Variants in CCSER2 observed in about 807,000 individuals in gnomAD.
The protein encoded by CCSER2 is coiled-coil serine rich protein 2.
A neutral mutation model predicts 92.3 loss-of-function variants in CCSER2; 46 were observed. That is an observed-to-expected ratio of 0.50 (90% CI 0.39 to 0.64). The LOEUF (loss-of-function observed/expected upper bound fraction) is 0.64, where lower values mean the gene tolerates loss of function less well. Ranked by LOEUF, CCSER2 falls within the 30% of genes least tolerant of loss-of-function variation. CCSER2 has a pLI of 0.00. For synonymous variants in CCSER2, 433 were observed against 431.4 expected (o/e 1.00, Z -0.04); for missense variants, 1,244 against 1,238.9 (o/e 1.00, Z -0.06).
intron 5 of CCSER2, among the ~76,000 whole-genome samples, chr10:84,432,556 T>A (rs1273618269): frequency 2.0e-5 from 3 of 152,224 alleles, no homozygotes; most frequent in Non-Finnish European, 2.9e-5. Flanking sequence ...CTCTAGCTAT[T>A]TGCCCATTTT....
At chr10:84,442,441 G>A (rs949837116) in intron 6 of CCSER2, among the ~76,000 whole-genome samples, 118 of 152,276 alleles carry the variant, frequency 7.7e-4, no homozygotes, top group Non-Finnish European at 2.2e-4. Context: ...ACTGAAAAAA[G>A]TAGGTTATAA....
chr10:84,485,020 A>G (rs1847722894), intron 9 of CCSER2, among the ~76,000 whole-genome samples: 2 of 152,238 alleles, frequency 1.3e-5, no homozygotes. Flanking sequence ...TACTAGAACT[A>G]TAGAAGGCAT....
chr10:84,417,432 A>G (rs1288717516), intron 3 of CCSER2, among the ~76,000 whole-genome samples: 3 of 152,190 alleles, frequency 2.0e-5, no homozygotes, highest in Non-Finnish European at 4.4e-5. Context: ...TCTTATACCA[A>G]TTATGAATAA....
chr10:84,492,068 A>T (rs1245877570), intron 9 of CCSER2, among the ~76,000 whole-genome samples: 1 of 152,172 alleles, frequency 6.6e-6, no homozygotes, highest in African/African-American at 2.4e-5. Flanking sequence ...TCACGAGGTC[A>T]GGAGATGGAG....
intron 3 of CCSER2, among the ~76,000 whole-genome samples, chr10:84,382,865 A>G (rs754487419): frequency 2.6e-5 from 4 of 152,170 alleles, no homozygotes; most frequent in Admixed American, 6.5e-5. Context: ...AGATCCAAAA[A>G]CTTACTTGTA....
At chr10:84,399,137 A>G (rs1259653912) in intron 3 of CCSER2, among the ~76,000 whole-genome samples, 1 of 152,190 alleles carries the variant, frequency 6.6e-6, no homozygotes, top group Non-Finnish European at 1.5e-5. Context: ...CATCACCTGA[A>G]TAATGATCAT....
At chr10:84,443,594 A>G (rs907229733) in intron 6 of CCSER2, among the ~76,000 whole-genome samples, 1 of 152,206 alleles carries the variant, frequency 6.6e-6, no homozygotes, top group African/African-American at 2.4e-5. Context: ...CGATTCCTCA[A>G]GGATCTAGAA....
chr10:84,430,354 A>G (rs1049339300), intron 5 of CCSER2, among the ~76,000 whole-genome samples: 4 of 152,224 alleles, frequency 2.6e-5, no homozygotes, highest in Non-Finnish European at 5.9e-5. Flanking sequence ...GGAGCATTTC[A>G]AAGCCTCTTG....
At position 84,379,971 on chromosome 10, in the gene CCSER2, T is replaced by C. The variant is rs187616978; in HGVS notation, c.1614+6156T>C. 1.2e-4 allele frequency among the ~76,000 whole-genome samples: 18 copies of C among 152,318 alleles called. No individual in the cohort carries two copies. The East Asian group carries it at 3.5e-3, about 29-fold the overall frequency. On this transcript the variant is annotated intron_variant, in intron 3 of 9. Coordinates refer to ENST00000372088, the MANE Select transcript of CCSER2 (RefSeq NM_001284240.2). Reference sequence around the variant, plus strand: ...GTGAACATTCGGATTCAATTCTCTTTGATCATATAAGTCAGTTTCTTTAGG... The same window carrying C: ...GTGAACATTCGGATTCAATTCTCTTCGATCATATAAGTCAGTTTCTTTAGG...
At chr10:84,358,683 TATAC>T (rs1286843479) in intron 1 of CCSER2, among the ~76,000 whole-genome samples, 16 of 149,148 alleles carry the variant, frequency 1.1e-4, no homozygotes, top group African/African-American at 3.9e-4. Flanking sequence ...TGTATATATA[TATAC>T]ACACACACAC....
At chr10:84,447,246 T>G (rs1844980685) in intron 6 of CCSER2, among the ~76,000 whole-genome samples, 1 of 152,246 alleles carries the variant, frequency 6.6e-6, no homozygotes. Flanking sequence ...GTTTCACATG[T>G]GTGCAAACTT....
intron 1 of CCSER2, among the ~76,000 whole-genome samples, chr10:84,330,630 A>G (rs748540655): frequency 6.6e-6 from 1 of 152,010 alleles, no homozygotes; most frequent in Non-Finnish European, 1.5e-5. Flanking sequence ...CTCTTGCCTC[A>G]GCCTCCTGAG....
intron 8 of CCSER2, among the ~76,000 whole-genome samples, chr10:84,475,327 C>G (rs534962794): frequency 1.5e-4 from 23 of 152,214 alleles, no homozygotes. Context: ...ATAAAGAAGG[C>G]AGATGGTGAG....
intron 3 of CCSER2, among the ~76,000 whole-genome samples, chr10:84,413,081 C>CA (rs1381942008): frequency 4.0e-5 from 6 of 149,508 alleles, no homozygotes; most frequent in South Asian, 2.1e-4. Flanking sequence ...TTAATTTTTT[C>CA]AAAAAACTGT....
At chr10:84,454,946 GA>G (rs1232205080) in intron 6 of CCSER2, 1 of 152,182 alleles carries the variant, frequency 6.6e-6, no homozygotes, top group Admixed American at 6.6e-5. Flanking sequence ...AGAGGTAATT[GA>G]ATCATGGGGG....
At chr10:84,429,012 T>TAC (rs1397804777) in intron 5 of CCSER2, among the ~76,000 whole-genome samples, 4 of 131,080 alleles carry the variant, frequency 3.1e-5, no homozygotes, top group African/African-American at 1.1e-4. Context: ...TATATATATA[T>TAC]ATACACACTT....
chr10:84,437,176 CAGAGAGACAG>C (rs1589662344), intron 5 of CCSER2, among the ~76,000 whole-genome samples: 1 of 148,772 alleles, frequency 6.7e-6, no homozygotes, highest in African/African-American at 2.5e-5. Context: ...GAGAGAGAGA[CAGAGAGACAG>C]AGAGAGACAG....
rs75460698 is a variant in CCSER2, at chr10:84,340,342, C to T, written c.-40+11534C>T. 4.8e-3 allele frequency among the ~76,000 whole-genome samples: 730 copies of T among 152,232 alleles called. 4 individuals carry two copies. Among genetic ancestry groups the T allele is most frequent in the Non-Finnish European group, 7.6e-3 (520 of 68,016 alleles). ...TCGTGACAGGTTGCTCTCTTGCCCCCACTTATAGACACTCAATAAATTTTT... is the reference window on the plus strand; with the variant it reads ...TCGTGACAGGTTGCTCTCTTGCCCCTACTTATAGACACTCAATAAATTTTT... On this transcript the variant is annotated intron_variant, in intron 1 of 9. Coordinates refer to ENST00000372088, the MANE Select transcript of CCSER2 (RefSeq NM_001284240.2).
intron 1 of CCSER2, among the ~76,000 whole-genome samples, chr10:84,329,986 A>G (rs747082909): frequency 3.3e-5 from 5 of 152,252 alleles, no homozygotes; most frequent in Admixed American, 6.5e-5. Context: ...GTCGTACTTC[A>G]GCATAAGCCA....
Sources: gnomAD v4.1 joint callset for allele counts (sites outside exome capture counted in the v4.1 genomes callset) on GRCh38, gnomAD v4.1.1 for gene constraint, MANE v1.5 for transcripts, NCBI Gene and HGNC (gene_info 2026-07-23, HGNC 2026-07-21) for gene names.